Variants in XPNPEP1 observed in about 807,000 individuals in gnomAD.
The protein encoded by XPNPEP1 is X-prolyl aminopeptidase 1.
Under a neutral mutation model 92.4 loss-of-function variants are expected in XPNPEP1, and 39 were observed. That is an observed-to-expected ratio of 0.42 (90% CI 0.33 to 0.55). The LOEUF (loss-of-function observed/expected upper bound fraction) is 0.55. Among genes scored for constraint, XPNPEP1 ranks in the 20% least tolerant of loss-of-function variants. XPNPEP1 has a pLI of 0.08. For missense variants in XPNPEP1, 654 were observed against 856.1 expected (o/e 0.76, Z 2.95); for synonymous variants, 307 against 299.4 (o/e 1.03, Z -0.26).
chr10:109,878,768 C>T (rs974318357), intron 12 of XPNPEP1, among the ~76,000 whole-genome samples: 5 of 151,562 alleles, frequency 3.3e-5, no homozygotes, highest in African/African-American at 1.2e-4. Context: ...CCCAACTAAT[C>T]GGGAGGCTGA....
chr10:109,894,442 G>T (rs950031042), intron 3 of XPNPEP1, among the ~76,000 whole-genome samples: 1 of 151,760 alleles, frequency 6.6e-6, no homozygotes, highest in East Asian at 1.9e-4. Flanking sequence ...GAGGTGGGAG[G>T]ATAATCTGAG....
chr10:109,870,061 C>T (rs556736177), intron 18 of XPNPEP1, 32 bp from the exon 19 acceptor site: 5 of 1,610,946 alleles, frequency 3.1e-6, no homozygotes, highest in African/African-American at 1.3e-5. Context: ...AAATGAGAAG[C>T]AGCCCACGAT....
At chr10:109,885,736 C>A (rs1013220979) in intron 8 of XPNPEP1, among the ~76,000 whole-genome samples, 6 of 152,186 alleles carry the variant, frequency 3.9e-5, no homozygotes. Context: ...AAAGAAGGTG[C>A]TGAACAACTG....
At position 109,870,891 on chromosome 10, in the gene XPNPEP1, G is replaced by C. The variant is rs745966726; in HGVS notation, c.1536C>G (p.Asp512Glu). 6.2e-7 allele frequency: 1 copy of C among 1,613,572 alleles called. No homozygotes were observed. Among genetic ancestry groups the C allele is most frequent in the South Asian group, 1.1e-5 (1 of 90,976 alleles). Residue 512 changes from aspartate to glutamate, a missense_variant, in exon 18 of 21, where the codon GAC (aspartate) becomes GAG (glutamate). Physicochemically the swap from Asp to Glu is conservative, Grantham distance 45. Coordinates refer to ENST00000502935, the MANE Select transcript of XPNPEP1 (RefSeq NM_020383.4). ...CCCATAAAGCTGAACGGGCAAAGGA[G>C]TCAAGAAGGTGACCTGAAAGACATA... is the stretch of plus-strand genomic sequence containing the variant. ...FPTGTKGHLL[D>E]SFARSALWDS... is the part of the protein sequence containing the mutation.
chr10:109,875,658 G>A, intron 14 of XPNPEP1, 59 bp from the exon 15 acceptor site: 2 of 1,485,998 alleles, frequency 1.3e-6, no homozygotes, highest in Non-Finnish European at 1.9e-6. Flanking sequence ...GTGAATCTGG[G>A]AGGAGGACAC....
At chr10:109,877,552 G>C (rs1847851555) in intron 14 of XPNPEP1, 1 of 546,162 alleles carries the variant, frequency 1.8e-6, no homozygotes, top group South Asian at 2.4e-5. Flanking sequence ...ACACCCATCT[G>C]ACTACCCTGC....
chr10:109,872,193 C>A (rs991922136), intron 16 of XPNPEP1, among the ~76,000 whole-genome samples: 1 of 152,218 alleles, frequency 6.6e-6, no homozygotes, highest in African/African-American at 2.4e-5. Flanking sequence ...CATTACTGAG[C>A]TATCCTCTGT....
At chr10:109,912,588 A>T (rs776249549) in intron 2 of XPNPEP1, among the ~76,000 whole-genome samples, 1 of 152,262 alleles carries the variant, frequency 6.6e-6, no homozygotes, top group Non-Finnish European at 1.5e-5. Flanking sequence ...TTGAAAAGGC[A>T]GCCAAGATGG....
rs1449683848 is a variant in XPNPEP1, at chr10:109,899,299, G to A, written c.247-6224C>T. On this transcript the variant is annotated intron_variant, in intron 3 of 20. Coordinates refer to ENST00000502935, the MANE Select transcript of XPNPEP1 (RefSeq NM_020383.4). ...GACTTATTCTTACCAATGAAATGTGGGTGAGAGGTGATACCTGGGTCGGGG... is the reference window on the plus strand; with the variant it reads ...GACTTATTCTTACCAATGAAATGTGAGTGAGAGGTGATACCTGGGTCGGGG... Among the ~76,000 whole-genome samples, 2 of 152,128 alleles carry A rather than the reference G, an allele frequency of 1.3e-5. 1 individual carries two copies. The highest frequency in any genetic ancestry group is 3.9e-4 in the East Asian group (2 of 5,192).
intron 8 of XPNPEP1, 105 bp from the exon 9 acceptor site, chr10:109,884,253 A>C: frequency 2.7e-6 from 3 of 1,104,040 alleles, no homozygotes; most frequent in Non-Finnish European, 4.0e-6. Flanking sequence ...CTGCTGCGCA[A>C]GGATTCAGTG....
At position 109,884,110 on chromosome 10, in the gene XPNPEP1, G is replaced by T; in HGVS notation, c.787C>A (p.Pro263Thr). ...NLRGSDVEHN[P>T]VFFSYAIIGL... ...ATGATTGCGTAGGAGAAAAATACTG[G>T]ATTGTGCTCCACATCTGATCCTCGG... is the stretch of plus-strand genomic sequence containing the variant. Residue 263 changes from proline to threonine, a missense_variant, in exon 9 of 21, where the codon CCA becomes ACA. Coordinates refer to ENST00000502935, the MANE Select transcript of XPNPEP1 (RefSeq NM_020383.4). The T allele has an allele frequency of 6.2e-7, 1 of 1,614,056 alleles. No individual in the cohort carries two copies. The highest frequency in any genetic ancestry group is 8.5e-7 in the Non-Finnish European group (1 of 1,179,972).
chr10:109,882,318 G>T lies in XPNPEP1; in HGVS notation c.1041+114C>A. 4 of 1,232,850 alleles carry T rather than the reference G, an allele frequency of 3.2e-6. No homozygotes were observed. The South Asian group carries it at 6.2e-5, about 19-fold the overall frequency. The allele number at this position is 1,232,850 out of a possible 1,614,324, so 76.4% of individuals were successfully genotyped here. A position where few individuals can be genotyped will look rare whatever the true frequency, so the allele number is the denominator to read the frequency against. On this transcript the variant is annotated intron_variant, in intron 10 of 20. Transcript: ENST00000502935. ...CCAGCTTTAAGGCCTCATCCATGGA[G>T]ACCACAGTTCTGATCCAACAGGCAG...
chr10:109,884,741 C>T (rs541348752), intron 8 of XPNPEP1, among the ~76,000 whole-genome samples: 2 of 152,230 alleles, frequency 1.3e-5, no homozygotes, highest in Non-Finnish European at 2.9e-5. Flanking sequence ...TCTGGCACCA[C>T]GACTGGGTGG....
At chr10:109,885,025 C>A (rs1848316780) in intron 8 of XPNPEP1, among the ~76,000 whole-genome samples, 1 of 152,134 alleles carries the variant, frequency 6.6e-6, no homozygotes, top group Non-Finnish European at 1.5e-5. Flanking sequence ...CAGACAAATT[C>A]AAATACAAAG....
intron 19 of XPNPEP1, among the ~76,000 whole-genome samples, chr10:109,869,471 C>T (rs1183935762): frequency 6.6e-6 from 1 of 152,192 alleles, no homozygotes; most frequent in Non-Finnish European, 1.5e-5. Context: ...GGTTCCTCAA[C>T]TTTACCTAAT....
In XPNPEP1 at chr10:109,870,702, C is replaced by T. The variant is rs368054753; in HGVS notation, c.1696+29G>A. The T allele has an allele frequency of 3.3e-5, 53 of 1,606,412 alleles. 1 individual carries two copies. In the African/African-American group the frequency reaches 4.7e-4, roughly 14 times the overall value. The stretch of plus-strand genomic sequence containing the variant: ...GCTTTCAAAAAGGCTCAAGGATCCA[C>T]GCATGCCCTCTATGTGAGGGACACT... On this transcript the variant is annotated intron_variant, in intron 18 of 20. Transcript: ENST00000502935.
At chr10:109,917,546 T>A (rs1280078509) in intron 1 of XPNPEP1, among the ~76,000 whole-genome samples, 17 of 152,230 alleles carry the variant, frequency 1.1e-4, no homozygotes, top group Non-Finnish European at 8.8e-5. Flanking sequence ...AAGATGGCAG[T>A]AATTCCCAAA....
At chr10:109,888,663 T>TA in intron 5 of XPNPEP1, 68 bp from the exon 6 acceptor site, 1 of 1,263,618 alleles carries the variant, frequency 7.9e-7, no homozygotes, top group South Asian at 1.5e-5. Context: ...ACCAGAAAGA[T>TA]ACAATTCTCT....
intron 11 of XPNPEP1, 111 bp downstream of exon 11, chr10:109,880,731 G>A (rs1848045421): frequency 3.0e-6 from 3 of 1,015,296 alleles, no homozygotes; most frequent in Non-Finnish European, 4.3e-6. Flanking sequence ...AGGAGGCTGA[G>A]GCTCAGAGAG....
Sources: gnomAD v4.1 joint callset for allele counts (sites outside exome capture counted in the v4.1 genomes callset) on GRCh38, gnomAD v4.1.1 for gene constraint, MANE v1.5 for transcripts, NCBI Gene and HGNC (gene_info 2026-07-23, HGNC 2026-07-21) for gene names.